Variants in CCSER1 observed in about 807,000 individuals in gnomAD.
CCSER1 encodes the protein coiled-coil serine rich protein 1.
Under a neutral mutation model 82.0 loss-of-function variants are expected in CCSER1, and 41 were observed. The observed-to-expected ratio is 0.50, with a 90% confidence interval of 0.39 to 0.65. The LOEUF (loss-of-function observed/expected upper bound fraction) is 0.65, where lower values mean the gene tolerates loss of function less well. Ranked by LOEUF, CCSER1 falls within the 30% of genes least tolerant of loss-of-function variation. The probability of loss-of-function intolerance (pLI) is 0.00; values close to 1 mark genes in which losing one functional copy is unlikely to be tolerated. For synonymous variants in CCSER1, 414 were observed against 383.9 expected (o/e 1.08, Z -0.92); for missense variants, 1,119 against 1,064.2 (o/e 1.05, Z -0.72).
chr4:91,429,515 A>G (rs920861059), intron 10 of CCSER1, among the ~76,000 whole-genome samples: 2 of 151,966 alleles, frequency 1.3e-5, no homozygotes, highest in African/African-American at 2.4e-5. Context: ...TAAATATACT[A>G]TTTATTTAGA....
chr4:90,510,023 G>C (rs1053347730), intron 5 of CCSER1, among the ~76,000 whole-genome samples: 1 of 152,058 alleles, frequency 6.6e-6, no homozygotes, highest in Non-Finnish European at 1.5e-5. Flanking sequence ...AGATTTTCAT[G>C]GTTTATTAAT....
intron 1 of CCSER1, among the ~76,000 whole-genome samples, chr4:90,223,149 T>C (rs28628195): frequency 0.016 from 2,398 of 152,308 alleles, 34 homozygotes; most frequent in African/African-American, 0.041. Context: ...ATCACTGATA[T>C]ATTCCTCATT....
At chr4:90,477,509 CA>C (rs1223606582) in intron 5 of CCSER1, among the ~76,000 whole-genome samples, 2 of 152,142 alleles carry the variant, frequency 1.3e-5, no homozygotes. Context: ...GGAAGTTGGG[CA>C]TAAGAATAAG....
At chr4:91,578,541 T>C (rs1452962073) in intron 10 of CCSER1, among the ~76,000 whole-genome samples, 1 of 151,936 alleles carries the variant, frequency 6.6e-6, no homozygotes, top group Non-Finnish European at 1.5e-5. Context: ...CCTGTTGAAA[T>C]TTGAAACCAT....
chr4:90,761,996 A>G (rs891853781), intron 7 of CCSER1, among the ~76,000 whole-genome samples: 3 of 152,162 alleles, frequency 2.0e-5, no homozygotes, highest in Admixed American at 6.6e-5. Context: ...AAGGAAATAT[A>G]AAAACATATA....
At chr4:90,764,161 C>T (rs1235217059) in intron 7 of CCSER1, among the ~76,000 whole-genome samples, 3 of 152,136 alleles carry the variant, frequency 2.0e-5, no homozygotes, top group Non-Finnish European at 4.4e-5. Flanking sequence ...ACTTCTAGAA[C>T]TTGTGCCAAG....
chr4:90,998,369 T>G (rs1285754188), intron 9 of CCSER1, among the ~76,000 whole-genome samples: 1 of 152,174 alleles, frequency 6.6e-6, no homozygotes, highest in Non-Finnish European at 1.5e-5. Flanking sequence ...CGTGAGCCAC[T>G]GCGCCCACCC....
intron 1 of CCSER1, among the ~76,000 whole-genome samples, chr4:90,197,717 G>T (rs921899267): frequency 6.6e-5 from 10 of 151,866 alleles, no homozygotes; most frequent in Non-Finnish European, 1.0e-4. Flanking sequence ...TTATTTGTGG[G>T]AACTAAAAAT....
intron 10 of CCSER1, among the ~76,000 whole-genome samples, chr4:91,337,473 G>A (rs1171324013): frequency 1.3e-5 from 2 of 152,094 alleles, no homozygotes; most frequent in Non-Finnish European, 2.9e-5. Flanking sequence ...GTCTGAATGT[G>A]TCACCTGGTT....
At chr4:90,907,450 T>G (rs1725669125) in intron 8 of CCSER1, among the ~76,000 whole-genome samples, 1 of 152,112 alleles carries the variant, frequency 6.6e-6, no homozygotes, top group African/African-American at 2.4e-5. Flanking sequence ...TCATCATTTT[T>G]TGGATGATGA....
At chr4:91,006,946 A>G (rs1442308697) in intron 9 of CCSER1, among the ~76,000 whole-genome samples, 1 of 152,198 alleles carries the variant, frequency 6.6e-6, no homozygotes, top group Non-Finnish European at 1.5e-5. Flanking sequence ...GTTGAGGTAC[A>G]TACTTGCTAT....
chr4:91,382,109 C>A (rs186411962), intron 10 of CCSER1, among the ~76,000 whole-genome samples: 1 of 152,286 alleles, frequency 6.6e-6, no homozygotes, highest in Non-Finnish European at 1.5e-5. Context: ...CTAGTCGTTC[C>A]TCTGGAAGCT....
chr4:90,287,585 A>G (rs1264374361), intron 1 of CCSER1, among the ~76,000 whole-genome samples: 1 of 151,938 alleles, frequency 6.6e-6, no homozygotes, highest in Non-Finnish European at 1.5e-5. Flanking sequence ...TTCTGATAAG[A>G]ACATGTTTCA....
At chr4:90,269,335 C>T (rs13121281) in intron 1 of CCSER1, among the ~76,000 whole-genome samples, 28,655 of 151,920 alleles carry the variant, frequency 0.19, 3,091 homozygotes, top group South Asian at 0.27. Flanking sequence ...TATGGATTAT[C>T]TTCTTTGATC....
chr4:90,826,038 C>G (rs1760391382), intron 8 of CCSER1, among the ~76,000 whole-genome samples: 1 of 152,080 alleles, frequency 6.6e-6, no homozygotes, highest in African/African-American at 2.4e-5. Flanking sequence ...AGGAAACAAG[C>G]TAATACAAAA....
At chr4:90,658,258 G>T (rs1730094901) in intron 6 of CCSER1, among the ~76,000 whole-genome samples, 1 of 152,038 alleles carries the variant, frequency 6.6e-6, no homozygotes, top group South Asian at 2.1e-4. Context: ...GGAGTAATTT[G>T]AGGCTCTAAC....
At chr4:91,563,782 C>T (rs188147575) in intron 10 of CCSER1, among the ~76,000 whole-genome samples, 1 of 151,732 alleles carries the variant, frequency 6.6e-6, no homozygotes, top group South Asian at 2.1e-4. Flanking sequence ...GACATGCTCT[C>T]ATACAGAGAA....
intron 1 of CCSER1, among the ~76,000 whole-genome samples, chr4:90,171,711 T>G (rs1178396682): frequency 2.6e-5 from 4 of 151,884 alleles, no homozygotes. Context: ...CGGTGTACCC[T>G]GAGCACACAG....
chr4:90,336,671 A>G (rs916098558), intron 3 of CCSER1, among the ~76,000 whole-genome samples: 2 of 152,184 alleles, frequency 1.3e-5, no homozygotes, highest in Admixed American at 6.5e-5. Flanking sequence ...CTTTGAGTAA[A>G]GGTATTGCAT....
Sources: gnomAD v4.1 joint callset for allele counts (sites outside exome capture counted in the v4.1 genomes callset) on GRCh38, gnomAD v4.1.1 for gene constraint, MANE v1.5 for transcripts, NCBI Gene and HGNC (gene_info 2026-07-23, HGNC 2026-07-21) for gene names.